MACROH2A2: variants seen among roughly 807,000 people sequenced by gnomAD.
The protein encoded by MACROH2A2 is core histone macro-H2A.2.
Under a neutral mutation model 37.6 loss-of-function variants are expected in MACROH2A2, and 6 were observed. The observed-to-expected ratio is 0.16, with a 90% CI of 0.09 to 0.32. The LOEUF is 0.32. Ranked by LOEUF, MACROH2A2 falls within the 10% of genes least tolerant of loss-of-function variation. MACROH2A2 has a pLI of 1.00. For missense variants in MACROH2A2, 290 were observed against 485.9 expected, an observed-to-expected ratio of 0.60 and a Z score of 3.79; for synonymous variants, 192 against 202.7, an observed-to-expected ratio of 0.95 and a Z score of 0.45.
intron 1 of MACROH2A2, among the ~76,000 whole-genome samples, chr10:70,073,813 T>C (rs1297352989): frequency 6.6e-6 from 1 of 152,212 alleles, no homozygotes; most frequent in Non-Finnish European, 1.5e-5. Flanking sequence ...AAGCATTCAT[T>C]TAATATCTTC....
At chr10:70,090,343 A>G (rs992914752) in intron 3 of MACROH2A2, among the ~76,000 whole-genome samples, 177 bp downstream of exon 3, 15 of 152,374 alleles carry the variant, frequency 9.8e-5, no homozygotes, top group Middle Eastern at 6.8e-3. Context: ...TTCAAAATAA[A>G]ATTGCCTCTG....
chr10:70,074,200 C>T (rs773382973), intron 1 of MACROH2A2, among the ~76,000 whole-genome samples: 1 of 152,124 alleles, frequency 6.6e-6, no homozygotes, highest in South Asian at 2.1e-4. Flanking sequence ...AAGACTCTGT[C>T]CAGGAATATG....
intron 2 of MACROH2A2, among the ~76,000 whole-genome samples, chr10:70,085,598 A>C (rs1354453638): frequency 6.6e-6 from 1 of 152,218 alleles, no homozygotes; most frequent in Admixed American, 6.5e-5. Context: ...ATACAAAATG[A>C]AGGGACATAG....
chr10:70,076,175 T>A (rs2072138485), intron 2 of MACROH2A2, among the ~76,000 whole-genome samples: 1 of 152,154 alleles, frequency 6.6e-6, no homozygotes, highest in Admixed American at 6.5e-5. Context: ...GCAGGGAGAA[T>A]GGGGGATTTG....
In MACROH2A2 at chr10:70,110,520, G is replaced by A. The variant is rs187165973; in HGVS notation, c.954-998G>A. Among the ~76,000 whole-genome samples, 73 of 152,284 alleles carry A rather than the reference G, an allele frequency of 4.8e-4. 1 individual carries two copies. The highest frequency in any genetic ancestry group is 8.7e-4 in the Non-Finnish European group (59 of 68,032). ...TAAAACTTCTGTTTGCTTGTTTGAA[G>A]ACCAGGTATTTTTAATGCTGAATGG... On this transcript the variant is annotated intron_variant, in intron 8 of 8. Coordinates refer to ENST00000373255, the MANE Select transcript of MACROH2A2 (RefSeq NM_018649.3).
At chr10:70,079,565 G>GTGCACACACA in intron 2 of MACROH2A2, among the ~76,000 whole-genome samples, 1 of 126,264 alleles carries the variant, frequency 7.9e-6, no homozygotes, top group South Asian at 2.7e-4. Context: ...GCGCGCGCGC[G>GTGCACACACA]CACACACACA....
At chr10:70,055,542 A>AGAAT (rs1554821183) in intron 1 of MACROH2A2, among the ~76,000 whole-genome samples, 5 of 141,234 alleles carry the variant, frequency 3.5e-5, no homozygotes, top group Non-Finnish European at 6.3e-5. Flanking sequence ...AGATAGGGAA[A>AGAAT]GAAATGAAAT....
chr10:70,090,234 TG>T, intron 3 of MACROH2A2, 68 bp downstream of exon 3: 1 of 1,003,798 alleles, frequency 1.0e-6, no homozygotes, highest in Non-Finnish European at 1.6e-6. Flanking sequence ...TGGGCCTGGC[TG>T]GCCATGAGTC....
At chr10:70,069,021 C>G (rs573790979) in intron 1 of MACROH2A2, among the ~76,000 whole-genome samples, 1 of 152,138 alleles carries the variant, frequency 6.6e-6, no homozygotes, top group African/African-American at 2.4e-5. Flanking sequence ...CTTCTAGAGA[C>G]AGTAAAATGT....
intron 5 of MACROH2A2, among the ~76,000 whole-genome samples, chr10:70,094,509 C>A (rs1377614482): frequency 1.3e-5 from 2 of 152,218 alleles, no homozygotes; most frequent in Non-Finnish European, 2.9e-5. Context: ...TTAATCATAT[C>A]TCTGGTAGCT....
At chr10:70,069,597 A>G (rs2072097608) in intron 1 of MACROH2A2, among the ~76,000 whole-genome samples, 1 of 152,178 alleles carries the variant, frequency 6.6e-6, no homozygotes. Context: ...GCGTCCAGCC[A>G]TATTCTCTCC....
At chr10:70,072,217 T>C (rs2072115141) in intron 1 of MACROH2A2, among the ~76,000 whole-genome samples, 1 of 151,958 alleles carries the variant, frequency 6.6e-6, no homozygotes, top group African/African-American at 2.4e-5. Flanking sequence ...TTTTTTATTT[T>C]ATTATTATTA....
At chr10:70,058,461 G>C (rs992706325) in intron 1 of MACROH2A2, among the ~76,000 whole-genome samples, 4 of 152,192 alleles carry the variant, frequency 2.6e-5, no homozygotes, top group African/African-American at 9.7e-5. Context: ...TACAACACAT[G>C]ATCTGGCCAA....
chr10:70,074,108 G>A (rs531593400), intron 1 of MACROH2A2, among the ~76,000 whole-genome samples: 1 of 152,064 alleles, frequency 6.6e-6, no homozygotes, highest in Non-Finnish European at 1.5e-5. Context: ...TATTCCATTT[G>A]TCGGTTACGG....
chr10:70,054,016 G>A (rs986855245), intron 1 of MACROH2A2, among the ~76,000 whole-genome samples: 1 of 152,092 alleles, frequency 6.6e-6, no homozygotes, highest in Non-Finnish European at 1.5e-5. Context: ...CCAGCCCCCC[G>A]GATCGCCCGT....
intron 7 of MACROH2A2, among the ~76,000 whole-genome samples, chr10:70,108,023 A>G (rs570554453): frequency 1.3e-5 from 2 of 152,226 alleles, no homozygotes; most frequent in South Asian, 2.1e-4. Flanking sequence ...GTTCAAGACC[A>G]GTCTGGGCAA....
chr10:70,088,603 C>A (rs1228056149), intron 2 of MACROH2A2, among the ~76,000 whole-genome samples: 1 of 152,290 alleles, frequency 6.6e-6, no homozygotes, highest in South Asian at 2.1e-4. Flanking sequence ...GGCCAAGTGG[C>A]GTGTTTGTTA....
intron 7 of MACROH2A2, among the ~76,000 whole-genome samples, chr10:70,101,422 A>C (rs975260189): frequency 2.0e-5 from 3 of 152,176 alleles, no homozygotes; most frequent in Non-Finnish European, 4.4e-5. Flanking sequence ...CCTGGATTCT[A>C]TCCAAGCCAC....
At chr10:70,101,086 A>T (rs1232355633) in intron 7 of MACROH2A2, among the ~76,000 whole-genome samples, 1 of 152,176 alleles carries the variant, frequency 6.6e-6, no homozygotes, top group Admixed American at 6.5e-5. Context: ...CAGCGGAGTC[A>T]AAGGAATGAG....
Sources: allele counts gnomAD v4.1 joint callset (sites outside exome capture counted in the v4.1 genomes callset), GRCh38; gene constraint gnomAD v4.1.1; transcripts MANE v1.5; gene names NCBI Gene and HGNC (gene_info 2026-07-23, HGNC 2026-07-21).